The following GLI4 variants were observed in gnomAD, a reference collection of about 807,000 sequenced individuals.
GLI4 encodes the protein GLI family zinc finger 4, also known as zinc finger protein GLI4.
GLI4 carries 34 observed loss-of-function variants against 30.9 expected under a neutral mutation model. That is an observed-to-expected ratio of 1.10 (90% CI 0.84 to 1.47). GLI4 has a LOEUF of 1.47. Ranked by LOEUF, GLI4 falls within the 40% of genes most tolerant of loss-of-function variation. The probability of loss-of-function intolerance (pLI) is 0.00; values close to 1 mark genes in which losing one functional copy is unlikely to be tolerated. For synonymous variants in GLI4, 277 were observed against 236.7 expected (o/e 1.17, Z -1.56); for missense variants, 696 against 538.9 (o/e 1.29, Z -2.89).
intron 2 of GLI4, chr8:143,272,974 A>G (rs911501557): frequency 1.3e-5 from 2 of 152,134 alleles, no homozygotes; most frequent in Non-Finnish European, 2.9e-5. Flanking sequence ...CGTGCTTCCT[A>G]TCTTGGTAAT....
At chr8:143,268,669 T>C (rs1349369460) in intron 1 of GLI4, among the ~76,000 whole-genome samples, 1 of 152,266 alleles carries the variant, frequency 6.6e-6, no homozygotes. Flanking sequence ...CTGAGGTTTT[T>C]CTGGAAGACT....
chr8:143,273,265 C>A (rs1214758181), intron 2 of GLI4: 1 of 152,236 alleles, frequency 6.6e-6, no homozygotes, highest in African/African-American at 2.4e-5. Flanking sequence ...GACATGGTGC[C>A]CCCAGGCCTG....
rs1815348985 is a variant in GLI4, at chr8:143,274,821, G to A, written c.223+19G>A. 1.3e-6 allele frequency: 2 copies of A among 1,539,892 alleles called. No homozygotes were observed. Among genetic ancestry groups the A allele is most frequent in the Non-Finnish European group, 8.8e-7 (1 of 1,136,522 alleles). ...TGGCCCGGTGAGTGAGCAGAATCGGGTTACTGGGGGACCAGAGCTCTGCGC... is the reference window on the plus strand; with the variant it reads ...TGGCCCGGTGAGTGAGCAGAATCGGATTACTGGGGGACCAGAGCTCTGCGC... On this transcript the variant is annotated intron_variant, in intron 3 of 3. Coordinates refer to ENST00000340042, the MANE Select transcript of GLI4 (RefSeq NM_138465.4).
chr8:143,267,588 G>A lies in GLI4; in HGVS notation c.-38+104G>A, dbSNP rs1003354143. 4 of 985,306 alleles carry A rather than the reference G, an allele frequency of 4.1e-6. No individual in the cohort carries two copies. In the African/African-American group the frequency reaches 7.0e-5, roughly 17 times the overall value. 61.0% of individuals were successfully genotyped at this position (985,306 alleles called of 1,614,324 possible). ...GTGCAGCCCTGCCCAGCCGGGCCGTGCGGCCCTTGCAGCCGCCGCTCGCCG... is the reference window on the plus strand; with the variant it reads ...GTGCAGCCCTGCCCAGCCGGGCCGTACGGCCCTTGCAGCCGCCGCTCGCCG... On this transcript the variant is annotated intron_variant, in intron 1 of 3. Coordinates refer to ENST00000340042, the MANE Select transcript of GLI4 (RefSeq NM_138465.4).
At chr8:143,275,312 A>C in intron 3 of GLI4, 1 of 1,448,872 alleles carries the variant, frequency 6.9e-7, no homozygotes, top group Non-Finnish European at 9.1e-7. Flanking sequence ...AACAGTGCTG[A>C]GCCCTCGCCC....
In GLI4 at chr8:143,267,473, C is replaced by G; in HGVS notation, c.-49C>G. ...TCCGTCCGGCGCGCGGCGTCCTCCT[C>G]CCGCTCGGAAGGTGAGTGGGCGCGG... On this transcript the variant is annotated 5_prime_UTR_variant, in exon 1 of 4. Coordinates refer to ENST00000340042, the MANE Select transcript of GLI4 (RefSeq NM_138465.4). The G allele has an allele frequency of 1.0e-6, 1 of 985,694 alleles. No individual in the cohort carries two copies. Among genetic ancestry groups the G allele is most frequent in the East Asian group, 1.1e-4 (1 of 8,766 alleles). 61.1% of individuals were successfully genotyped at this position (985,694 alleles called of 1,614,324 possible).
intron 1 of GLI4, chr8:143,268,126 G>T: frequency 1.0e-6 from 1 of 979,856 alleles, no homozygotes; most frequent in Non-Finnish European, 1.2e-6. Flanking sequence ...CTTGAGATGT[G>T]ACTTCAGGGT....
chr8:143,269,521 G>C lies in GLI4; in HGVS notation c.124+1G>C, dbSNP rs757453066. 1.9e-6 allele frequency: 3 copies of C among 1,612,260 alleles called. No individual in the cohort carries two copies. Among genetic ancestry groups the C allele is most frequent in the Admixed American group, 1.7e-5 (1 of 60,002 alleles). ...CTTCACCTCCATGGGCATCAACATGGTACTCACCCAGCCCGCTGTGCGCCC... is the reference window on the plus strand; with the variant it reads ...CTTCACCTCCATGGGCATCAACATGCTACTCACCCAGCCCGCTGTGCGCCC... On this transcript the variant is annotated splice_donor_variant, in intron 2 of 3. Transcript: ENST00000340042. LOFTEE classifies it high-confidence loss of function.
rs1815168235 is a variant in GLI4 at position 143,267,705 on chromosome 8, A to T, written c.-38+221A>T. The T allele has an allele frequency of 9.1e-6, 9 of 985,200 alleles. 1 individual carries two copies. Among genetic ancestry groups the T allele is most frequent in the South Asian group, 9.4e-5 (2 of 21,290 alleles). 61.0% of individuals were successfully genotyped at this position (985,200 alleles called of 1,614,324 possible). ...ACCGCCCCGCCCAGCGGCCCTGGCG[A>T]TAGCGGGTGTCCGTTCGCAGGGCGC... On this transcript the variant is annotated intron_variant, in intron 1 of 3. Transcript: ENST00000340042.
In GLI4 at chr8:143,273,738, G is replaced by T. The variant is rs76645423; in HGVS notation, c.125-966G>T. 7.2e-5 allele frequency among the ~76,000 whole-genome samples: 11 copies of T among 152,344 alleles called. No homozygotes were observed. In the East Asian group the frequency reaches 2.1e-3, roughly 29 times the overall value. On this transcript the variant is annotated intron_variant, in intron 2 of 3. Transcript: ENST00000340042. ...GTCTTTCTGTGCCCATCTCTGCATT[G>T]TCATTGCTGGGGACACCCAGATTCG...
chr8:143,276,224 G>C lies in GLI4; in HGVS notation c.551G>C (p.Arg184Thr). 1 of 1,594,328 alleles carries C rather than the reference G, an allele frequency of 6.3e-7. No individual in the cohort carries two copies. The highest frequency in any genetic ancestry group is 8.5e-7 in the Non-Finnish European group (1 of 1,171,254). Residue 184 changes from arginine to threonine, a missense_variant, in exon 4 of 4, where the codon AGG becomes ACG. Transcript: ENST00000340042. ...QGSARGAKPHRCEACGKSFKY... is the reference protein window; with the variant it reads ...QGSARGAKPHTCEACGKSFKY... ...AGCGCGCGGGGGGCCAAGCCGCACA[G>C]GTGCGAGGCCTGCGGCAAGAGTTTC... is the stretch of plus-strand genomic sequence containing the variant.
Position 143,276,337 on chromosome 8 carries a change from G to T in GLI4, c.664G>T (p.Gly222Cys), listed in dbSNP as rs1164921501. ...CCACGAGTGCGGCAAGCGCTTCCGC[G>T]GCTGGTCGGGCTTCATCCAGCACCA... ...ACHECGKRFR[G>C]WSGFIQHHRI... The change falls in exon 4 of 4, where the codon GGC (glycine) becomes TGC (cysteine). Residue 222 changes from glycine (G) to cysteine (C), a missense_variant. Physicochemically the swap from Gly to Cys is radical, Grantham distance 159. Coordinates refer to ENST00000340042, the MANE Select transcript of GLI4 (RefSeq NM_138465.4). 1.2e-6 allele frequency: 2 copies of T among 1,606,394 alleles called. No homozygotes were observed. The highest frequency in any genetic ancestry group is 2.7e-5 in the African/African-American group (2 of 73,596).
At chr8:143,270,089 C>T (rs1815232479) in intron 2 of GLI4, among the ~76,000 whole-genome samples, 1 of 152,274 alleles carries the variant, frequency 6.6e-6, no homozygotes, top group South Asian at 2.1e-4. Context: ...TACATCTCTG[C>T]TGGGTGTTCC....
chr8:143,271,018 C>A (rs962273016), intron 2 of GLI4, among the ~76,000 whole-genome samples: 1 of 152,112 alleles, frequency 6.6e-6, no homozygotes, highest in East Asian at 1.9e-4. Flanking sequence ...TGTGGGCAGC[C>A]AGGCCCAGAA....
At chr8:143,268,760 C>T (rs977416155) in intron 1 of GLI4, among the ~76,000 whole-genome samples, 1 of 152,222 alleles carries the variant, frequency 6.6e-6, no homozygotes, top group Non-Finnish European at 1.5e-5. Flanking sequence ...AGGAGCTTCG[C>T]TTCAGCCCCC....
chr8:143,276,275 A>T lies in GLI4; in HGVS notation c.602A>T (p.His201Leu). The change falls in exon 4 of 4, where the codon CAC (histidine) becomes CTC (leucine). Residue 201 changes from histidine (H) to leucine (L), a missense_variant. His to Leu is a moderately conservative substitution (Grantham distance 99). Transcript: ENST00000340042. ...SFKYNSLLLK[H>L]QRIHTGEKPY... ...AAGTATAACTCGCTGCTCCTGAAGC[A>T]CCAGCGCATCCACACGGGCGAGAAG... 6.2e-7 allele frequency: 1 copy of T among 1,612,246 alleles called. No homozygotes were observed. Among genetic ancestry groups the T allele is most frequent in the Non-Finnish European group, 8.5e-7 (1 of 1,179,628 alleles).
At position 143,276,132 on chromosome 8, in the gene GLI4, C is replaced by T. The variant is rs1056146; in HGVS notation, c.459C>T (p.Ala153=). 442,890 of 1,533,808 alleles carry T rather than the reference C, an allele frequency of 0.29. 67,129 individuals carry two copies. Among genetic ancestry groups the T allele is most frequent in the African/African-American group, 0.49 (35,436 of 71,718 alleles). Reference sequence around the variant, plus strand: ...TGACGCTCGTGCAGCAAGCAGCGGCCGGGCCCGAGGGTGCGCCCGAGCGGG... The same window carrying T: ...TGACGCTCGTGCAGCAAGCAGCGGCTGGGCCCGAGGGTGCGCCCGAGCGGG... ...WRVTLVQQAA[A]GPEGAPERAA... is the part of the protein sequence containing the mutation. The change falls in exon 4 of 4, where the codon GCC becomes GCT. Residue 153 remains alanine, a synonymous_variant. Transcript: ENST00000340042.
At chr8:143,274,544 C>T (rs34602612) in intron 2 of GLI4, 160 bp from the exon 3 acceptor site, 36,779 of 577,802 alleles carry the variant, frequency 0.064, 1,359 homozygotes, top group East Asian at 0.081. Context: ...AAAGGGCATT[C>T]GTGGCTAGAG....
chr8:143,269,622 C>T (rs1369605625), intron 2 of GLI4, 102 bp downstream of exon 2: 19 of 941,236 alleles, frequency 2.0e-5, no homozygotes, highest in East Asian at 7.2e-5. Context: ...ACTTGAGAGG[C>T]GCCTCCAGAC....
Sources: gnomAD v4.1 joint callset for allele counts (sites outside exome capture counted in the v4.1 genomes callset) on GRCh38, gnomAD v4.1.1 for gene constraint, MANE v1.5 for transcripts, NCBI Gene and HGNC (gene_info 2026-07-23, HGNC 2026-07-21) for gene names.